CTNNA3: variants seen among roughly 807,000 people sequenced by gnomAD.
The protein encoded by CTNNA3 is catenin alpha-3.
In CTNNA3, 76 loss-of-function variants were observed where a neutral mutation model predicts 95.7. That is an observed-to-expected ratio of 0.79 (90% CI 0.66 to 0.96). The LOEUF (loss-of-function observed/expected upper bound fraction) is 0.96. CTNNA3 is among the 40% of genes least tolerant of loss of function. CTNNA3 has a pLI of 0.00. For missense variants in CTNNA3, 1,191 were observed against 1,089.8 expected, an observed-to-expected ratio of 1.09 and a Z score of -1.31; for synonymous variants, 431 against 374.4, an observed-to-expected ratio of 1.15 and a Z score of -1.74.
In CTNNA3 at chr10:66,035,308, G is replaced by A. The variant is rs540263909; in HGVS notation, c.2159+34000C>T. ...GGAATAGTAGTATACAGACATGGGG[G>A]GTCTAAGAAAGCACTTTTCCTCTCA... On this transcript the variant is annotated intron_variant, in intron 15 of 17. Transcript: ENST00000433211. 5.3e-5 allele frequency among the ~76,000 whole-genome samples: 8 copies of A among 152,174 alleles called. No individual in the cohort carries two copies. In the South Asian group the frequency reaches 1.7e-3, roughly 32 times the overall value.
At chr10:66,561,126 C>T (rs1262090348) in intron 10 of CTNNA3, among the ~76,000 whole-genome samples, 2 of 151,966 alleles carry the variant, frequency 1.3e-5, no homozygotes, top group African/African-American at 4.8e-5. Flanking sequence ...ATACCAGTAA[C>T]ATCACTACAA....
At chr10:66,199,982 G>A (rs1353543934) in intron 13 of CTNNA3, among the ~76,000 whole-genome samples, 1 of 149,112 alleles carries the variant, frequency 6.7e-6, no homozygotes, top group African/African-American at 2.5e-5. Flanking sequence ...AATTCCTATG[G>A]GCATCAAATG....
At chr10:66,221,988 C>T (rs1212326588) in intron 13 of CTNNA3, among the ~76,000 whole-genome samples, 1 of 152,010 alleles carries the variant, frequency 6.6e-6, no homozygotes, top group African/African-American at 2.4e-5. Flanking sequence ...AGAAAAGGGC[C>T]TTGCATTTTT....
At chr10:66,148,061 T>C (rs2083991041) in intron 13 of CTNNA3, among the ~76,000 whole-genome samples, 1 of 151,906 alleles carries the variant, frequency 6.6e-6, no homozygotes, top group African/African-American at 2.4e-5. Context: ...TAAACAGAAT[T>C]GAAACTCATA....
At chr10:67,603,753 A>C (rs1327932408) in intron 3 of CTNNA3, among the ~76,000 whole-genome samples, 1 of 152,212 alleles carries the variant, frequency 6.6e-6, no homozygotes, top group Non-Finnish European at 1.5e-5. Flanking sequence ...AAGTTTATAA[A>C]GTTAAAAAGT....
chr10:66,915,879 G>C (rs1846468217), intron 7 of CTNNA3, among the ~76,000 whole-genome samples: 1 of 151,834 alleles, frequency 6.6e-6, no homozygotes. Flanking sequence ...ATCCTGAGTA[G>C]CTGGGACTAC....
chr10:66,852,201 C>G (rs1353042848), intron 7 of CTNNA3, among the ~76,000 whole-genome samples: 1 of 152,076 alleles, frequency 6.6e-6, no homozygotes. Flanking sequence ...TTTTATGGTA[C>G]AGGTACCTTC....
intron 9 of CTNNA3, among the ~76,000 whole-genome samples, chr10:66,726,474 T>A (rs1373991757): frequency 2.0e-5 from 3 of 152,098 alleles, no homozygotes; most frequent in Non-Finnish European, 4.4e-5. Context: ...GGTAATCTCA[T>A]GTTACAGTTG....
At chr10:67,750,046 C>T (rs537185164) in intron 1 of CTNNA3, among the ~76,000 whole-genome samples, 4 of 152,214 alleles carry the variant, frequency 2.6e-5, no homozygotes, top group Admixed American at 1.3e-4. Context: ...CGTGAAGGTC[C>T]GCGGGCTCAT....
At chr10:67,520,288 G>A (rs919356001) in intron 5 of CTNNA3, among the ~76,000 whole-genome samples, 1 of 151,970 alleles carries the variant, frequency 6.6e-6, no homozygotes, top group Non-Finnish European at 1.5e-5. Flanking sequence ...TATCCTCAAT[G>A]CCATTCTCCC....
intron 7 of CTNNA3, among the ~76,000 whole-genome samples, chr10:66,856,621 A>G (rs1843694281): frequency 6.6e-6 from 1 of 151,934 alleles, no homozygotes; most frequent in Non-Finnish European, 1.5e-5. Context: ...TGAGATGGTA[A>G]GACATTGTGG....
At chr10:66,325,401 A>C (rs757290588) in intron 12 of CTNNA3, among the ~76,000 whole-genome samples, 1 of 152,116 alleles carries the variant, frequency 6.6e-6, no homozygotes, top group Non-Finnish European at 1.5e-5. Flanking sequence ...GCCTGCAGAA[A>C]AAATAACGTG....
intron 5 of CTNNA3, among the ~76,000 whole-genome samples, chr10:67,306,889 G>T (rs1840575828): frequency 6.6e-6 from 1 of 152,156 alleles, no homozygotes; most frequent in African/African-American, 2.4e-5. Context: ...GAGTATTCCA[G>T]AGGAAACACT....
intron 7 of CTNNA3, among the ~76,000 whole-genome samples, chr10:67,096,954 G>T (rs993500728): frequency 1.3e-5 from 2 of 151,846 alleles, no homozygotes; most frequent in Non-Finnish European, 2.9e-5. Flanking sequence ...TAAATATTAA[G>T]AAGTCATGGG....
intron 16 of CTNNA3, among the ~76,000 whole-genome samples, chr10:65,971,920 G>T (rs2133273563): frequency 6.6e-6 from 1 of 151,952 alleles, no homozygotes; most frequent in East Asian, 1.9e-4. Context: ...ACAAAATATT[G>T]GCAAACTGAA....
At chr10:67,226,269 G>C (rs765372901) in intron 5 of CTNNA3, among the ~76,000 whole-genome samples, 1 of 152,158 alleles carries the variant, frequency 6.6e-6, no homozygotes, top group Non-Finnish European at 1.5e-5. Context: ...CTGGAGGAAG[G>C]GGAGAATCCT....
rs550748869 is a variant in CTNNA3 at position 67,572,397 on chromosome 10, T to C, written c.293-32728A>G. Among the ~76,000 whole-genome samples the C allele has an allele frequency of 1.2e-4, 18 of 152,284 alleles. No individual in the cohort carries two copies. In the East Asian group the frequency reaches 2.5e-3, roughly 21 times the overall value. On this transcript the variant is annotated intron_variant, in intron 3 of 17. Coordinates refer to ENST00000433211, the MANE Select transcript of CTNNA3 (RefSeq NM_013266.4). ...CTTAAGGCAACAGGTCAGTCTTTTG[T>C]GTCCCAGGGTCAGCCAGTCATTGGT... is the stretch of plus-strand genomic sequence containing the variant.
In CTNNA3 at chr10:66,381,556, T is replaced by TTGAATGAA. The variant is rs61665378; in HGVS notation, c.1532-2212_1532-2205dup. 1.5e-3 allele frequency among the ~76,000 whole-genome samples: 225 copies of TTGAATGAA among 151,984 alleles called. 5 individuals carry two copies. In the South Asian group the frequency reaches 0.017, roughly 11 times the overall value. On this transcript the variant is annotated intron_variant, in intron 11 of 17. Coordinates refer to ENST00000433211, the MANE Select transcript of CTNNA3 (RefSeq NM_013266.4). ...CTTGTTAGGCTAACAAGAATGCTTG[T>TTGAATGAA]TGAATGAATGAATGAATGAATGAAT...
intron 12 of CTNNA3, among the ~76,000 whole-genome samples, chr10:66,364,549 G>A (rs2092698417): frequency 6.6e-6 from 1 of 151,402 alleles, no homozygotes; most frequent in Non-Finnish European, 1.5e-5. Flanking sequence ...TTTTTTCTTT[G>A]GTTATTAAAA....
Sources: allele counts gnomAD v4.1 joint callset (sites outside exome capture counted in the v4.1 genomes callset), GRCh38; gene constraint gnomAD v4.1.1; transcripts MANE v1.5; gene names NCBI Gene and HGNC (gene_info 2026-07-23, HGNC 2026-07-21).